The following PRRC1 variants were observed in gnomAD, a reference collection of about 807,000 sequenced individuals.
The protein encoded by PRRC1 is proline rich coiled-coil 1.
A neutral mutation model predicts 40.7 loss-of-function variants in PRRC1; 39 were observed. That is an observed-to-expected ratio of 0.96 (90% confidence interval 0.74 to 1.25). The LOEUF (loss-of-function observed/expected upper bound fraction) is 1.25. Ranked by LOEUF, PRRC1 falls within the 50% of genes most tolerant of loss-of-function variation. The probability of loss-of-function intolerance (pLI) is 0.00; values close to 1 mark genes in which losing one functional copy is unlikely to be tolerated. For missense variants in PRRC1, 573 were observed against 548.3 expected, an observed-to-expected ratio of 1.05 and a Z score of -0.45; for synonymous variants, 175 against 193.3, an observed-to-expected ratio of 0.91 and a Z score of 0.79.
At chr5:127,525,014 T>C in intron 3 of PRRC1, 94 bp downstream of exon 3, 3 of 1,238,368 alleles carry the variant, frequency 2.4e-6, no homozygotes, top group Non-Finnish European at 3.3e-6. Context: ...ATTTATGTAC[T>C]CTACAATTCA....
Position 127,551,602 on chromosome 5 carries a change from A to G in PRRC1, c.1129-105A>G, listed in dbSNP as rs570882566. 6.1e-4 allele frequency: 723 copies of G among 1,192,216 alleles called. 7 individuals carry two copies. In the South Asian group the frequency reaches 9.9e-3, roughly 16 times the overall value. The allele number at this position is 1,192,216 out of a possible 1,614,324, so 73.9% of individuals were successfully genotyped here. On this transcript the variant is annotated intron_variant, in intron 8 of 8. Transcript: ENST00000296666. Reference sequence around the variant, plus strand: ...GCTGTATTTCTCAGAGTTTGTCATAATCTATATTTAAAATAACATGAAACA... The same window carrying G: ...GCTGTATTTCTCAGAGTTTGTCATAGTCTATATTTAAAATAACATGAAACA...
chr5:127,522,923 A>G (rs1767497608), intron 1 of PRRC1, among the ~76,000 whole-genome samples: 2 of 152,070 alleles, frequency 1.3e-5, no homozygotes, highest in Admixed American at 6.6e-5. Context: ...GACGTGAGCC[A>G]CTGTGCCCAG....
rs73333183 is a variant in PRRC1, at chr5:127,534,017, G to T, written c.921+231G>T. ...TGGGAGGGAAAGAAACATTGAGAGA[G>T]CACAAAAGGAATAGTTAGTCCTAAA... is the stretch of plus-strand genomic sequence containing the variant. On this transcript the variant is annotated intron_variant, in intron 6 of 8. Coordinates refer to ENST00000296666, the MANE Select transcript of PRRC1 (RefSeq NM_130809.5). The T allele has an allele frequency of 7.0e-3, 4,099 of 581,644 alleles. 118 individuals carry two copies. The highest frequency in any genetic ancestry group is 0.069 in the African/African-American group (3,664 of 53,470). The allele number at this position is 581,644 out of a possible 1,614,324, so 36.0% of individuals were successfully genotyped here.
chr5:127,534,161 G>C (rs1186404976), intron 6 of PRRC1, among the ~76,000 whole-genome samples: 2 of 151,746 alleles, frequency 1.3e-5, no homozygotes, highest in Non-Finnish European at 2.9e-5. Flanking sequence ...TAAGTTCCAG[G>C]AATTCCGTCC....
At chr5:127,542,239 C>T (rs1456582906) in intron 7 of PRRC1, among the ~76,000 whole-genome samples, 5 of 152,046 alleles carry the variant, frequency 3.3e-5, no homozygotes, top group African/African-American at 4.8e-5. Context: ...GTCTGAGAGA[C>T]AGTTTGTTAT....
At chr5:127,526,057 G>C (rs1561679985) in intron 3 of PRRC1, among the ~76,000 whole-genome samples, 1 of 152,146 alleles carries the variant, frequency 6.6e-6, no homozygotes, top group Non-Finnish European at 1.5e-5. Context: ...TTGCAAATGA[G>C]TTATCAAAAC....
intron 2 of PRRC1, 117 bp from the exon 3 acceptor site, chr5:127,524,414 C>A: frequency 1.1e-6 from 1 of 895,948 alleles, no homozygotes; most frequent in African/African-American, 1.7e-5. Flanking sequence ...TAAAATAATT[C>A]TTGGGATATG....
chr5:127,542,524 T>A (rs1768077515), intron 7 of PRRC1, among the ~76,000 whole-genome samples: 1 of 151,646 alleles, frequency 6.6e-6, no homozygotes, highest in South Asian at 2.1e-4. Context: ...TCTTTGTAGG[T>A]CACTCAGGAC....
rs936369680 is a variant in PRRC1 at position 127,553,766 on chromosome 5, C to T, written c.*1850C>T. ...TTTTTGATGTTTTGAGAATTGTTCT[C>T]ATAGAATCACAAATACTGACATTTC... On this transcript the variant is annotated 3_prime_UTR_variant, in exon 9 of 9. Transcript: ENST00000296666. 1 of 1,533,286 alleles carries T rather than the reference C, an allele frequency of 6.5e-7. No homozygotes were observed. The highest frequency in any genetic ancestry group is 8.7e-7 in the Non-Finnish European group (1 of 1,145,568). 95.0% of individuals were successfully genotyped at this position (1,533,286 alleles called of 1,614,324 possible).
In PRRC1 at chr5:127,519,309, C is replaced by T. The variant is rs1767397642; in HGVS notation, c.-21+1533C>T. 2.6e-5 allele frequency among the ~76,000 whole-genome samples: 4 copies of T among 152,180 alleles called. No homozygotes were observed. In the East Asian group the frequency reaches 7.7e-4, roughly 29 times the overall value. ...ACTGAATGAAAGGATTCAGCCTCCC[C>T]GGATCCCTGTTCTCTGCTTAGTGCC... On this transcript the variant is annotated intron_variant, in intron 1 of 8. Transcript: ENST00000296666.
chr5:127,548,175 TTC>T, intron 8 of PRRC1: 1 of 538,212 alleles, frequency 1.9e-6, no homozygotes, highest in South Asian at 2.8e-5. Flanking sequence ...TCTCATTTTT[TTC>T]TTTGTTTTTA....
intron 1 of PRRC1, among the ~76,000 whole-genome samples, chr5:127,522,414 A>G (rs1342937454): frequency 6.6e-6 from 1 of 152,124 alleles, no homozygotes; most frequent in East Asian, 1.9e-4. Context: ...TTATTGAGAC[A>G]AGGTCCTGCT....
At chr5:127,518,815 C>G (rs755983080) in intron 1 of PRRC1, among the ~76,000 whole-genome samples, 7 of 151,840 alleles carry the variant, frequency 4.6e-5, no homozygotes, top group African/African-American at 1.5e-4. Context: ...ACTCAGTTTT[C>G]CAAACCATTT....
At chr5:127,543,062 GGC>G (rs1423468150) in intron 7 of PRRC1, among the ~76,000 whole-genome samples, 1 of 149,770 alleles carries the variant, frequency 6.7e-6, no homozygotes, top group Non-Finnish European at 1.5e-5. Flanking sequence ...TTTTAGGGCA[GGC>G]CTGGTGGTGA....
intron 5 of PRRC1, among the ~76,000 whole-genome samples, chr5:127,531,609 T>G (rs2127099017): frequency 8.8e-6 from 1 of 113,250 alleles, no homozygotes; most frequent in East Asian, 2.5e-4. Context: ...GTTTTTATTC[T>G]TCTTCTTCTT....
At position 127,524,650 on chromosome 5, in the gene PRRC1, G is replaced by A. The variant is rs1487822294; in HGVS notation, c.223G>A (p.Val75Met). Reference sequence around the variant, plus strand: ...GAGGCCTTCAGCACCATTACCTTTTGTGCCTCCTCCTGCAGTTCCTTCTGT... The same window carrying A: ...GAGGCCTTCAGCACCATTACCTTTTATGCCTCCTCCTGCAGTTCCTTCTGT... Reference protein sequence around the residue: ...PVRPSAPLPFVPPPAVPSVPP... With the variant: ...PVRPSAPLPFMPPPAVPSVPP... Residue 75 changes from valine to methionine, a missense_variant, in exon 3 of 9, where the codon GTG (valine) becomes ATG (methionine). Coordinates refer to ENST00000296666, the MANE Select transcript of PRRC1 (RefSeq NM_130809.5). The A allele has an allele frequency of 3.7e-6, 6 of 1,613,932 alleles. No homozygotes were observed. The South Asian group carries it at 4.4e-5, about 12-fold the overall frequency.
rs945157174 is a variant in PRRC1, at chr5:127,528,284, GTCTTT to G, written c.654+1518_654+1522del. On this transcript the variant is annotated intron_variant, in intron 4 of 8. Transcript: ENST00000296666. ...TCAATTTCAGGAGTCAGTTCTGTCA[GTCTTT>G]TCTTTTCTTTTTTCTTTTCTTCTCT... 1.3e-3 allele frequency among the ~76,000 whole-genome samples: 203 copies of G among 152,050 alleles called. 2 individuals are homozygous for G. Among genetic ancestry groups the G allele is most frequent in the African/African-American group, 4.3e-3 (179 of 41,502 alleles).
At chr5:127,544,919 T>G (rs2127113492) in intron 7 of PRRC1, among the ~76,000 whole-genome samples, 1 of 152,272 alleles carries the variant, frequency 6.6e-6, no homozygotes, top group South Asian at 2.1e-4. Flanking sequence ...CACTCCCTAG[T>G]GAGATGAACC....
intron 2 of PRRC1, 25 bp from the exon 3 acceptor site, chr5:127,524,506 T>C: frequency 6.3e-7 from 1 of 1,574,994 alleles, no homozygotes; most frequent in Admixed American, 1.9e-5. Context: ...AATTCTGTGC[T>C]TTTATCCTCT....
Sources: allele counts gnomAD v4.1 joint callset (sites outside exome capture counted in the v4.1 genomes callset), GRCh38; gene constraint gnomAD v4.1.1; transcripts MANE v1.5; gene names NCBI Gene and HGNC (gene_info 2026-07-23, HGNC 2026-07-21).